Variants in LAMC1 observed in about 807,000 individuals in gnomAD.
LAMC1 encodes the protein laminin subunit gamma 1, also known as laminin subunit gamma-1.
Under a neutral mutation model 173.6 loss-of-function variants are expected in LAMC1, and 38 were observed. That is an observed-to-expected ratio of 0.22 (90% CI 0.17 to 0.29). LAMC1 has a LOEUF of 0.29. LAMC1 is among the 10% of genes least tolerant of loss of function. LAMC1 has a pLI of 1.00. For missense variants in LAMC1, 1,824 were observed against 2,051.8 expected (o/e 0.89, Z 2.14); for synonymous variants, 746 against 749.1 (o/e 1.00, Z 0.07).
At chr1:183,110,693 G>C in intron 4 of LAMC1, 39 bp downstream of exon 4, 1 of 1,597,200 alleles carries the variant, frequency 6.3e-7, no homozygotes, top group Non-Finnish European at 8.6e-7. Context: ...GTTGTCTTAA[G>C]GACTTCCAAG....
At chr1:183,098,784 A>T (rs1478723241) in intron 1 of LAMC1, among the ~76,000 whole-genome samples, 1 of 152,192 alleles carries the variant, frequency 6.6e-6, no homozygotes, top group African/African-American at 2.4e-5. Flanking sequence ...TTGCATATGC[A>T]CCCAGACAGA....
Position 183,093,554 on chromosome 1 carries a change from T to C in LAMC1, c.419-9774T>C, listed in dbSNP as rs187924851. 1.6e-4 allele frequency among the ~76,000 whole-genome samples: 25 copies of C among 152,294 alleles called. No individual in the cohort carries two copies. The East Asian group carries it at 4.6e-3, about 28-fold the overall frequency. ...TTATCTATCTATGTCCATTCCCTAGTTGTTTTCCTCTAATCCCATGGCTTT... is the reference window on the plus strand; with the variant it reads ...TTATCTATCTATGTCCATTCCCTAGCTGTTTTCCTCTAATCCCATGGCTTT... On this transcript the variant is annotated intron_variant, in intron 1 of 27. Transcript: ENST00000258341.
chr1:183,093,498 G>GT (rs1435861597), intron 1 of LAMC1, among the ~76,000 whole-genome samples: 2 of 152,132 alleles, frequency 1.3e-5, no homozygotes, highest in East Asian at 3.9e-4. Flanking sequence ...GCTAAAAGTT[G>GT]GTATGTCCCG....
chr1:183,074,110 C>A (rs1655072329), intron 1 of LAMC1, among the ~76,000 whole-genome samples: 1 of 151,876 alleles, frequency 6.6e-6, no homozygotes, highest in Non-Finnish European at 1.5e-5. Context: ...TTTTTCTGTT[C>A]TAAAAAAATG....
intron 1 of LAMC1, among the ~76,000 whole-genome samples, chr1:183,048,665 A>C (rs760834768): frequency 2.0e-5 from 3 of 152,160 alleles, no homozygotes; most frequent in South Asian, 4.2e-4. Flanking sequence ...TGTAAGTTAT[A>C]TATGTTGTAG....
At chr1:183,054,374 T>C (rs1654527483) in intron 1 of LAMC1, among the ~76,000 whole-genome samples, 1 of 152,196 alleles carries the variant, frequency 6.6e-6, no homozygotes, top group Non-Finnish European at 1.5e-5. Flanking sequence ...GGCTGTTCTC[T>C]GAATCACACT....
At chr1:183,136,620 A>T in intron 25 of LAMC1, 35 bp downstream of exon 25, 1 of 1,523,986 alleles carries the variant, frequency 6.6e-7, no homozygotes, top group Non-Finnish European at 8.9e-7. Flanking sequence ...GTCCCTGCCC[A>T]TATCTTTCTC....
At chr1:183,129,643 A>G (rs1656728547) in intron 18 of LAMC1, among the ~76,000 whole-genome samples, 1 of 151,840 alleles carries the variant, frequency 6.6e-6, no homozygotes, top group South Asian at 2.1e-4. Context: ...TGGTCAATTT[A>G]CTTAATGGTT....
intron 13 of LAMC1, 98 bp from the exon 14 acceptor site, chr1:183,124,533 A>C (rs1656568216): frequency 1.4e-6 from 2 of 1,427,266 alleles, no homozygotes; most frequent in African/African-American, 2.8e-5. Flanking sequence ...GTCTTCTCTC[A>C]TGTGATGATT....
chr1:183,040,207 C>T (rs1326419830), intron 1 of LAMC1, among the ~76,000 whole-genome samples: 2 of 152,214 alleles, frequency 1.3e-5, no homozygotes, highest in Non-Finnish European at 2.9e-5. Flanking sequence ...TCTTTTTGTG[C>T]CTCCCGCTAA....
At chr1:183,130,637 A>G (rs192261659) in intron 19 of LAMC1, 88 bp downstream of exon 19, 2 of 972,464 alleles carry the variant, frequency 2.1e-6, no homozygotes, top group East Asian at 2.5e-5. Context: ...GTGCTTCTTC[A>G]ACTAAATTGA....
intron 18 of LAMC1, among the ~76,000 whole-genome samples, chr1:183,129,252 T>TC (rs1656716617): frequency 6.7e-6 from 1 of 148,668 alleles, no homozygotes; most frequent in Non-Finnish European, 1.5e-5. Flanking sequence ...ATGCCCGGGG[T>TC]AATTTTTTTG....
At chr1:183,066,759 A>G (rs963438947) in intron 1 of LAMC1, among the ~76,000 whole-genome samples, 6 of 152,210 alleles carry the variant, frequency 3.9e-5, no homozygotes, top group African/African-American at 1.4e-4. Flanking sequence ...GAACAATGAG[A>G]ACACATGGAC....
At chr1:183,087,465 C>T (rs1185517821) in intron 1 of LAMC1, among the ~76,000 whole-genome samples, 1 of 152,124 alleles carries the variant, frequency 6.6e-6, no homozygotes, top group Non-Finnish European at 1.5e-5. Context: ...GGGGATAATT[C>T]CAGGTACTGA....
chr1:183,134,645 A>C lies in LAMC1; in HGVS notation c.3850-15A>C, dbSNP rs748502083. On this transcript the variant is annotated splice_polypyrimidine_tract_variant and intron_variant, in intron 22 of 27. Coordinates refer to ENST00000258341, the MANE Select transcript of LAMC1 (RefSeq NM_002293.4). ...GTTTTATCCAAAGTGTAGTGATCTT[A>C]CTTGCTTTTCACAGAATGAAGCAAA... The C allele has an allele frequency of 5.6e-5, 89 of 1,603,212 alleles. 5 individuals carry two copies. In the South Asian group the frequency reaches 9.4e-4, roughly 17 times the overall value.
chr1:183,133,125 G>A (rs770374507), intron 21 of LAMC1, among the ~76,000 whole-genome samples: 10 of 152,094 alleles, frequency 6.6e-5, no homozygotes, highest in Non-Finnish European at 1.2e-4. Flanking sequence ...TGGCCAGGCT[G>A]GTTTTGAACT....
chr1:183,053,674 G>A (rs975376069), intron 1 of LAMC1, among the ~76,000 whole-genome samples: 1 of 151,876 alleles, frequency 6.6e-6, no homozygotes, highest in African/African-American at 2.4e-5. Flanking sequence ...TGCCCAGGCT[G>A]GAGTGCAGTG....
Position 183,108,292 on chromosome 1 carries a change from C to T in LAMC1, c.740C>T (p.Thr247Ile), listed in dbSNP as rs748871603. The T allele has an allele frequency of 1.2e-6, 2 of 1,613,492 alleles. No homozygotes were observed. Among genetic ancestry groups the T allele is most frequent in the Non-Finnish European group, 1.7e-6 (2 of 1,179,596 alleles). ...TCCTGACAGGAATGGGTAACTGCCA[C>T]TGACATCAGAGTAACTCTTAATCGC... ...SPVLQEWVTATDIRVTLNRLN... is the reference protein window; with the variant it reads ...SPVLQEWVTAIDIRVTLNRLN... Residue 247 changes from threonine (T) to isoleucine (I), a missense_variant, in exon 3 of 28, where the codon ACT (threonine) becomes ATT (isoleucine). By Grantham distance (89) the Thr-to-Ile change is moderately conservative. Transcript: ENST00000258341.
chr1:183,081,942 C>G (rs1273308414), intron 1 of LAMC1, among the ~76,000 whole-genome samples: 1 of 152,178 alleles, frequency 6.6e-6, no homozygotes, highest in Non-Finnish European at 1.5e-5. Context: ...ATCACAGACC[C>G]TTTTACTGTC....
Sources: gnomAD v4.1 joint callset for allele counts (sites outside exome capture counted in the v4.1 genomes callset) on GRCh38, gnomAD v4.1.1 for gene constraint, MANE v1.5 for transcripts, NCBI Gene and HGNC (gene_info 2026-07-23, HGNC 2026-07-21) for gene names.